Variants in TPM4 observed in about 807,000 individuals in gnomAD.
TPM4 encodes the protein tropomyosin 4, also known as tropomyosin alpha-4 chain.
Under a neutral mutation model 35.8 loss-of-function variants are expected in TPM4, and 17 were observed. That is an observed-to-expected ratio of 0.47 (90% CI 0.32 to 0.71). TPM4 has a LOEUF of 0.71. Ranked by LOEUF, TPM4 falls within the 30% of genes least tolerant of loss-of-function variation. The probability of loss-of-function intolerance (pLI) is 0.03; values close to 1 mark genes in which losing one functional copy is unlikely to be tolerated. For missense variants in TPM4, 240 were observed against 320.9 expected (o/e 0.75, Z 1.93); for synonymous variants, 120 against 122.9 (o/e 0.98, Z 0.15).
intron 3 of TPM4, among the ~76,000 whole-genome samples, chr19:16,087,597 AAG>A (rs997079930): frequency 2.0e-5 from 3 of 151,364 alleles, no homozygotes; most frequent in African/African-American, 7.3e-5. Flanking sequence ...AAAAATAAAA[AAG>A]AGGCCAGGTG....
intron 2 of TPM4, among the ~76,000 whole-genome samples, chr19:16,069,673 T>C (rs2090336545): frequency 6.6e-6 from 1 of 151,042 alleles, no homozygotes; most frequent in Non-Finnish European, 1.5e-5. Flanking sequence ...TGAGTGTGTG[T>C]TTCTGTTGGG....
rs945966959 is a variant in TPM4 at position 16,080,300 on chromosome 19, C to T, written c.133-1613C>T. On this transcript the variant is annotated intron_variant, in intron 1 of 7. Transcript: ENST00000643579. ...CCCCAGTGGGGCCCCTCGGTTTCTT[C>T]ACCTGTAAAATGGGTGCGATGTGTG... is the stretch of plus-strand genomic sequence containing the variant. 6.7e-5 allele frequency: 14 copies of T among 208,710 alleles called. No individual in the cohort carries two copies. The South Asian group carries it at 2.5e-3, about 37-fold the overall frequency. 12.9% of individuals were successfully genotyped at this position (208,710 alleles called of 1,614,324 possible). A position where few individuals can be genotyped will look rare whatever the true frequency, so the allele number is the denominator to read the frequency against.
At chr19:16,088,005 C>T (rs2144943586) in intron 3 of TPM4, 22 bp from the exon 4 acceptor site, 2 of 1,602,018 alleles carry the variant, frequency 1.2e-6, no homozygotes, top group Non-Finnish European at 1.7e-6. Flanking sequence ...TCGGGCTCAG[C>T]TGGGCCTTTC....
At chr19:16,086,062 C>G (rs1273526042) in intron 2 of TPM4, among the ~76,000 whole-genome samples, 4 of 133,130 alleles carry the variant, frequency 3.0e-5, no homozygotes, top group East Asian at 2.5e-4. Flanking sequence ...GAGCGAGACT[C>G]CATCTCAAAA....
rs371728238 is a variant in TPM4 at position 16,088,031 on chromosome 19, C to T, written c.389C>T (p.Ala130Val). The change falls in exon 4 of 8, where the codon GCT becomes GTT. Residue 130 changes from alanine to valine, a missense_variant. Ala to Val is a moderately conservative substitution (Grantham distance 64). Transcript: ENST00000643579. Reference protein sequence around the residue: ...EEADRKYEEVARKLVILEGEL... With the variant: ...EEADRKYEEVVRKLVILEGEL... ...TGGGCCTTTCTGTCTCTGCAGGTAG[C>T]TCGTAAGCTGGTCATCCTGGAGGGT... The T allele has an allele frequency of 1.3e-4, 207 of 1,610,762 alleles. No homozygotes were observed. Among genetic ancestry groups the T allele is most frequent in the Non-Finnish European group, 1.7e-4 (203 of 1,179,076 alleles).
At chr19:16,087,024 G>T (rs1181230357) in intron 3 of TPM4, among the ~76,000 whole-genome samples, 1 of 152,140 alleles carries the variant, frequency 6.6e-6, no homozygotes, top group East Asian at 1.9e-4. Context: ...GCTCGTACCT[G>T]TAACCCCAGC....
intron 2 of TPM4, 35 bp from the exon 3 acceptor site, chr19:16,086,388 G>A: frequency 1.3e-6 from 2 of 1,584,374 alleles, no homozygotes; most frequent in Non-Finnish European, 1.7e-6. Context: ...AGGGGTGTGA[G>A]TGAACGGCCG....
upstream of TPM4, among the ~76,000 whole-genome samples, chr19:16,074,038 A>G (rs1044024011): frequency 2.0e-5 from 3 of 149,168 alleles, no homozygotes; most frequent in African/African-American, 7.4e-5. Context: ...AAAAACATAC[A>G]CACACACACA....
Position 16,095,484 on chromosome 19 carries a change from G to A in TPM4, c.664+1731G>A, listed in dbSNP as rs73928729. On this transcript the variant is annotated intron_variant, in intron 7 of 7. Coordinates refer to ENST00000643579, the MANE Select transcript of TPM4 (RefSeq NM_003290.3). ...CTGATGTGTCTGTGACTCTACAACC[G>A]AAATAAAGACGGGCAGTCCTCCTCT... is the stretch of plus-strand genomic sequence containing the variant. 1.5e-3 allele frequency: 1,495 copies of A among 1,022,494 alleles called. 13 individuals carry two copies. The African/African-American group carries it at 0.022, about 15-fold the overall frequency. The allele number at this position is 1,022,494 out of a possible 1,614,324, so 63.3% of individuals were successfully genotyped here.
chr19:16,093,974 T>TTTTTTTTTC (rs1249096374), intron 7 of TPM4, among the ~76,000 whole-genome samples: 1 of 146,312 alleles, frequency 6.8e-6, no homozygotes, highest in Admixed American at 6.8e-5. Context: ...TTTTTTTTTT[T>TTTTTTTTTC]CTATGAGACG....
intron 5 of TPM4, among the ~76,000 whole-genome samples, chr19:16,092,147 C>T (rs1279081126): frequency 6.6e-6 from 1 of 151,022 alleles, no homozygotes; most frequent in Non-Finnish European, 1.5e-5. Flanking sequence ...CACTGCACTC[C>T]AGCCTGGGTG....
Position 16,067,711 on chromosome 19 carries a change from G to A in TPM4, c.87G>A (p.Lys29=), listed in dbSNP as rs919372985. ...GCGCGGAGCAGGCGGAGGCGGATAAGAAAGCCGCTGAGGACAAGTGCAAGC... is the reference window on the plus strand; with the variant it reads ...GCGCGGAGCAGGCGGAGGCGGATAAAAAAGCCGCTGAGGACAAGTGCAAGC... The change falls in exon 2 of 3, where the codon AAG becomes AAA. Residue 29 remains lysine (K), a synonymous_variant. Transcript: ENST00000589897. The surrounding 1 kb of genome is among the most constrained non-coding windows in gnomAD (Gnocchi z 4.1). 9.9e-6 allele frequency: 16 copies of A among 1,613,208 alleles called. No homozygotes were observed. Among genetic ancestry groups the A allele is most frequent in the Non-Finnish European group, 1.2e-5 (14 of 1,179,830 alleles).
intron 2 of TPM4, among the ~76,000 whole-genome samples, chr19:16,069,740 AT>A (rs1403189514): frequency 3.8e-5 from 4 of 106,038 alleles, no homozygotes; most frequent in Admixed American, 1.8e-4. Context: ...GTGTGTTTCT[AT>A]TGGGGGGTGT....
chr19:16,079,074 G>C (rs1026831591), intron 1 of TPM4, among the ~76,000 whole-genome samples: 1 of 152,152 alleles, frequency 6.6e-6, no homozygotes, highest in South Asian at 2.1e-4. Context: ...ACTCGGCCGT[G>C]ACTAGCAGTT....
chr19:16,090,683 A>G (rs1377591419), intron 5 of TPM4, among the ~76,000 whole-genome samples: 1 of 152,054 alleles, frequency 6.6e-6, no homozygotes, highest in East Asian at 1.9e-4. Flanking sequence ...GATTTCTTAC[A>G]TTTATTATAG....
chr19:16,099,074 G>GTGTGTGTGTGTGTGTT (rs1555711784), intron 7 of TPM4, among the ~76,000 whole-genome samples: 41 of 86,048 alleles, frequency 4.8e-4, no homozygotes, highest in African/African-American at 1.1e-3. Context: ...TTGACTCTGT[G>GTGTGTGTGTGTGTGTT]TGTGTGTGTG....
intron 1 of TPM4, 137 bp downstream of exon 1, chr19:16,076,834 C>G (rs919046171): frequency 1.6e-6 from 2 of 1,257,266 alleles, no homozygotes; most frequent in African/African-American, 3.1e-5. Context: ...CGATCGCCGA[C>G]CCACATCCCT....
At chr19:16,094,130 A>G (rs2090665185) in intron 7 of TPM4, among the ~76,000 whole-genome samples, 2 of 151,810 alleles carry the variant, frequency 1.3e-5, no homozygotes, top group African/African-American at 2.4e-5. Context: ...ACACCTGGCT[A>G]ATTGAATTGC....
upstream of TPM4, chr19:16,076,380 A>T: frequency 7.1e-7 from 1 of 1,406,208 alleles, no homozygotes; most frequent in East Asian, 2.8e-5. Context: ...AGCGGTGCTG[A>T]CGTCGGCGGT....
Sources: allele counts gnomAD v4.1 joint callset (sites outside exome capture counted in the v4.1 genomes callset), GRCh38; gene constraint gnomAD v4.1.1; non-coding constraint Gnocchi (gnomAD v3.1); transcripts MANE v1.5; gene names NCBI Gene and HGNC (gene_info 2026-07-23, HGNC 2026-07-21).